Variants in PKIB observed in about 807,000 individuals in gnomAD.
The protein encoded by PKIB is PKI-beta.
Under a neutral mutation model 4.5 loss-of-function variants are expected in PKIB, and 2 were observed. The ratio of observed to expected loss-of-function variants is 0.44; its 90% CI spans 0.18 to 1.39. PKIB has a LOEUF of 1.39. PKIB is among the 40% of genes most tolerant of loss of function. The pLI, the probability that PKIB is intolerant of heterozygous loss-of-function variation, is 0.27. For synonymous variants in PKIB, 38 were observed against 36.0 expected (o/e 1.06, Z -0.20); for missense variants, 94 against 92.6 (o/e 1.02, Z -0.06).
chr6:122,506,555 ATAG>A (rs889324322), intron 2 of PKIB, among the ~76,000 whole-genome samples: 1 of 151,972 alleles, frequency 6.6e-6, no homozygotes, highest in African/African-American at 2.4e-5. Context: ...CATCTTTTTG[ATAG>A]TATAGTTTTT....
At chr6:122,493,484 A>T (rs1201950560) in intron 2 of PKIB, 1 of 152,214 alleles carries the variant, frequency 6.6e-6, no homozygotes, top group African/African-American at 2.4e-5. Context: ...ATGTATTGAA[A>T]TCTTCTATGA....
At chr6:122,678,017 C>T (rs537940249) in intron 3 of PKIB, among the ~76,000 whole-genome samples, 1 of 152,156 alleles carries the variant, frequency 6.6e-6, no homozygotes, top group South Asian at 2.1e-4. Context: ...ATGCCATTCT[C>T]CTGCCTCTGC....
At chr6:122,489,139 C>T (rs1384551294) in intron 2 of PKIB, among the ~76,000 whole-genome samples, 1 of 151,820 alleles carries the variant, frequency 6.6e-6, no homozygotes, top group Non-Finnish European at 1.5e-5. Context: ...TGTTAGCTGC[C>T]TCAAAGGACA....
At position 122,717,908 on chromosome 6, in the gene PKIB, C is replaced by A. The variant is rs1458901749; in HGVS notation, c.114C>A (p.Ala38=). ...TACCAGACATCCAGAGTTCAGCTGCCACAGACGGAACCTCAGATTTGCCCC... is the reference window on the plus strand; with the variant it reads ...TACCAGACATCCAGAGTTCAGCTGCAACAGACGGAACCTCAGATTTGCCCC... ...NALPDIQSSA[A]TDGTSDLPLK... Residue 38 remains alanine, a synonymous_variant, in exon 4 of 5, where the codon GCC becomes GCA. Transcript: ENST00000368452. The A allele has an allele frequency of 2.5e-6, 4 of 1,614,010 alleles. No individual in the cohort carries two copies. In the East Asian group the frequency reaches 8.9e-5, roughly 36 times the overall value.
intron 2 of PKIB, chr6:122,643,975 G>A (rs1213319931): frequency 1.3e-5 from 2 of 151,802 alleles, no homozygotes; most frequent in Middle Eastern, 3.4e-3. Flanking sequence ...GCTGTAGTGC[G>A]GCTTAAAAAA....
At chr6:122,690,930 A>ATTTTTT (rs1287193423) in intron 3 of PKIB, among the ~76,000 whole-genome samples, 1 of 131,126 alleles carries the variant, frequency 7.6e-6, no homozygotes, top group African/African-American at 3.0e-5. Flanking sequence ...ATATATATAT[A>ATTTTTT]TATTTTTTTT....
intron 1 of PKIB, among the ~76,000 whole-genome samples, chr6:122,476,403 C>T (rs962338743): frequency 2.0e-5 from 3 of 152,128 alleles, no homozygotes; most frequent in Admixed American, 1.3e-4. Flanking sequence ...TTAAGACACA[C>T]ATTGATAGTT....
chr6:122,683,653 C>T (rs575632766), intron 3 of PKIB, among the ~76,000 whole-genome samples: 194 of 152,244 alleles, frequency 1.3e-3, no homozygotes, highest in African/African-American at 4.5e-3. Context: ...AACCAAGTCT[C>T]CTCTACCCCA....
intron 3 of PKIB, among the ~76,000 whole-genome samples, chr6:122,602,911 G>T (rs1224433099): frequency 7.2e-6 from 1 of 138,072 alleles, no homozygotes; most frequent in Non-Finnish European, 1.5e-5. Flanking sequence ...AGCCGAGATC[G>T]CACCACGGCA....
chr6:122,601,043 A>G (rs1309477416), intron 3 of PKIB, among the ~76,000 whole-genome samples: 4 of 150,460 alleles, frequency 2.7e-5, no homozygotes, highest in Non-Finnish European at 6.0e-5. Context: ...AACTAACAGC[A>G]GTTTAAATAT....
chr6:122,542,457 CTG>C (rs1221984382), intron 2 of PKIB, among the ~76,000 whole-genome samples: 1 of 152,124 alleles, frequency 6.6e-6, no homozygotes, highest in Non-Finnish European at 1.5e-5. Flanking sequence ...ACTCCAGACT[CTG>C]TTTGCCTGGG....
chr6:122,589,356 C>T (rs896756330), intron 3 of PKIB, among the ~76,000 whole-genome samples: 3 of 151,954 alleles, frequency 2.0e-5, no homozygotes, highest in Admixed American at 6.6e-5. Flanking sequence ...CAACACATAG[C>T]CATGTAAAAA....
At chr6:122,494,900 G>A (rs1776035117) in intron 2 of PKIB, among the ~76,000 whole-genome samples, 2 of 152,220 alleles carry the variant, frequency 1.3e-5, no homozygotes, top group Admixed American at 6.5e-5. Context: ...GAACCTCCCT[G>A]ACACCTTCAC....
intron 2 of PKIB, among the ~76,000 whole-genome samples, chr6:122,661,859 T>C (rs1301530037): frequency 2.0e-5 from 3 of 152,168 alleles, no homozygotes; most frequent in Admixed American, 2.0e-4. Flanking sequence ...TCAACACTTG[T>C]CATTGTCTTT....
chr6:122,597,693 G>A (rs1379875199), intron 3 of PKIB, among the ~76,000 whole-genome samples: 2 of 152,140 alleles, frequency 1.3e-5, no homozygotes, highest in Non-Finnish European at 2.9e-5. Context: ...ATTTTTCTAG[G>A]TAAAGGCAAC....
intron 2 of PKIB, among the ~76,000 whole-genome samples, chr6:122,522,459 A>C (rs966256603): frequency 1.3e-5 from 2 of 152,082 alleles, no homozygotes; most frequent in Admixed American, 6.6e-5. Flanking sequence ...ACAACAACAA[A>C]AAACAACAAA....
At chr6:122,654,660 C>A (rs1275012408) in intron 2 of PKIB, among the ~76,000 whole-genome samples, 4 of 152,150 alleles carry the variant, frequency 2.6e-5, no homozygotes, top group African/African-American at 9.7e-5. Flanking sequence ...GGTGTTCTAT[C>A]CTCAACTTTC....
intron 3 of PKIB, among the ~76,000 whole-genome samples, chr6:122,589,770 A>C (rs1773963075): frequency 6.6e-6 from 1 of 152,162 alleles, no homozygotes; most frequent in Non-Finnish European, 1.5e-5. Flanking sequence ...TACAGGAAAA[A>C]GAAAATAACA....
At chr6:122,554,286 C>T (rs1215633459) in intron 2 of PKIB, among the ~76,000 whole-genome samples, 1 of 152,114 alleles carries the variant, frequency 6.6e-6, no homozygotes, top group East Asian at 1.9e-4. Context: ...AGCAAAGATT[C>T]TTGAATTTTC....
Sources: allele counts gnomAD v4.1 joint callset (sites outside exome capture counted in the v4.1 genomes callset), GRCh38; gene constraint gnomAD v4.1.1; transcripts MANE v1.5; gene names NCBI Gene and HGNC (gene_info 2026-07-23, HGNC 2026-07-21).